The following ULK1 variants were observed in gnomAD, a reference collection of about 807,000 sequenced individuals.
The protein encoded by ULK1 is unc-51 like autophagy activating kinase 1.
ULK1 carries 48 observed loss-of-function variants against 117.5 expected under a neutral mutation model. The observed-to-expected ratio is 0.41, with a 90% confidence interval of 0.32 to 0.52. The LOEUF is 0.52. Ranked by LOEUF, ULK1 falls within the 20% of genes least tolerant of loss-of-function variation. The pLI is 0.29. For synonymous variants in ULK1, 790 were observed against 637.8 expected, an observed-to-expected ratio of 1.24 and a Z score of -3.60; for missense variants, 1,387 against 1,473.4, an observed-to-expected ratio of 0.94 and a Z score of 0.96.
intron 20 of ULK1, among the ~76,000 whole-genome samples, 165 bp from the exon 21 acceptor site, chr12:131,916,788 A>G (rs966734537): frequency 6.6e-6 from 1 of 151,912 alleles, no homozygotes; most frequent in Non-Finnish European, 1.5e-5. Flanking sequence ...CCCCGTCCTG[A>G]GCCTCGCCAT....
At chr12:131,905,819 G>A (rs1284793132) in intron 3 of ULK1, among the ~76,000 whole-genome samples, 1 of 152,186 alleles carries the variant, frequency 6.6e-6, no homozygotes, top group East Asian at 1.9e-4. Flanking sequence ...GTTGGGGTGT[G>A]TGCTGTGTCT....
chr12:131,918,423 G>C (rs1474193171), intron 22 of ULK1, 74 bp from the exon 23 acceptor site: 1 of 1,503,398 alleles, frequency 6.7e-7, no homozygotes, highest in Admixed American at 2.0e-5. Context: ...GGAGGTGTGG[G>C]AGTCTGTGGG....
In ULK1 at chr12:131,920,087, T is replaced by G; in HGVS notation, c.2912T>G (p.Ile971Ser). Residue 971 changes from isoleucine (I) to serine (S), a missense_variant, in exon 26 of 28, where the codon ATT becomes AGT. By Grantham distance (142) the Ile-to-Ser change is moderately radical. This residue lies in a region of ULK1 where 900 missense variants were observed against 858.9 expected (regional missense o/e 1.05). Coordinates refer to ENST00000321867, the MANE Select transcript of ULK1 (RefSeq NM_003565.4). ...GACAAGCAGCGGCTCCTGGACCGCA[T>G]TCACAGCATCACTGCCGAGAGGCTC... is the stretch of plus-strand genomic sequence containing the variant. ...FLDKQRLLDR[I>S]HSITAERLIF... 6.2e-7 allele frequency: 1 copy of G among 1,612,822 alleles called. No individual in the cohort carries two copies. Among genetic ancestry groups the G allele is most frequent in the Non-Finnish European group, 8.5e-7 (1 of 1,179,952 alleles).
chr12:131,921,256 G>T, intron 27 of ULK1, 21 bp downstream of exon 27: 1 of 1,607,996 alleles, frequency 6.2e-7, no homozygotes, highest in Non-Finnish European at 8.5e-7. Context: ...GGCTGGGCTG[G>T]GGGCTGGGGA....
chr12:131,921,171 G>T lies in ULK1; in HGVS notation c.3033G>T (p.Leu1011=). 6.2e-7 allele frequency: 1 copy of T among 1,605,648 alleles called. No homozygotes were observed. Residue 1011 remains leucine (L), a synonymous_variant, in exon 27 of 28, where the codon CTG becomes CTT. Coordinates refer to ENST00000321867, the MANE Select transcript of ULK1 (RefSeq NM_003565.4). ...EGCVPRYHKA[L]LLLEGLQHML... ...GCGTCCCACGCTACCACAAGGCCCT[G>T]CTGCTCCTGGAGGGGCTGCAGCACA...
At chr12:131,905,268 TG>T (rs1889228601) in intron 3 of ULK1, among the ~76,000 whole-genome samples, 1 of 152,170 alleles carries the variant, frequency 6.6e-6, no homozygotes, top group Non-Finnish European at 1.5e-5. Context: ...GGGGCAGCTC[TG>T]GGACACGGGC....
chr12:131,918,915 TGG>T (rs202206928), intron 23 of ULK1, among the ~76,000 whole-genome samples: 2 of 63,036 alleles, frequency 3.2e-5, no homozygotes, highest in Non-Finnish European at 6.0e-5. Context: ...GTAGGGTGTG[TGG>T]GGTGCAGGGT....
chr12:131,915,351 G>A lies in ULK1; in HGVS notation c.1539G>A (p.Glu513=). 1.2e-6 allele frequency: 2 copies of A among 1,612,824 alleles called. No homozygotes were observed. Among genetic ancestry groups the A allele is most frequent in the Non-Finnish European group, 1.7e-6 (2 of 1,179,972 alleles). Residue 513 remains glutamate, a synonymous_variant, in exon 18 of 28, where the codon GAG becomes GAA. Transcript: ENST00000321867. The part of the protein sequence containing the change: ...TPSPQVGTIP[E]RPGWSGTPSP... ...TTCCCCAAGTTGGAACCATCCCTGA[G>A]CGGCCAGGCTGGAGCGGGACGCCCT...
At chr12:131,918,400 C>T in intron 22 of ULK1, 97 bp from the exon 23 acceptor site, 1 of 1,409,268 alleles carries the variant, frequency 7.1e-7, no homozygotes, top group Non-Finnish European at 9.6e-7. Context: ...GAGGCAGAGG[C>T]ACATTGGGCC....
rs767791806 is a variant in ULK1, at chr12:131,918,556, G to A, written c.2386G>A (p.Glu796Lys). 44 of 1,610,840 alleles carry A rather than the reference G, an allele frequency of 2.7e-5. No homozygotes were observed. The highest frequency in any genetic ancestry group is 1.9e-4 in the South Asian group (17 of 90,812). ...CCACCTGGTGCCTGGGCCCTGCAGCGAGGCCCCAGCCCCTGAGCTCCCTGC... is the reference window on the plus strand; with the variant it reads ...CCACCTGGTGCCTGGGCCCTGCAGCAAGGCCCCAGCCCCTGAGCTCCCTGC... ...ARHLVPGPCS[E>K]APAPELPAPG... Residue 796 changes from glutamate (E) to lysine (K), a missense_variant, in exon 23 of 28, where the codon GAG (glutamate) becomes AAG (lysine). Around this residue, in one of 4 missense-constraint regions of ULK1, gnomAD observed 900 missense variants for 858.9 expected, o/e 1.05. Transcript: ENST00000321867.
Position 131,902,458 on chromosome 12 carries a change from G to C in ULK1, c.247-4434G>C, listed in dbSNP as rs115104016. Among the ~76,000 whole-genome samples the C allele has an allele frequency of 6.3e-3, 967 of 152,312 alleles. 22 individuals are homozygous for C. Among genetic ancestry groups the C allele is most frequent in the African/African-American group, 0.022 (901 of 41,562 alleles). ...CTGGGACACCTGGCTCTGGCCGGCC[G>C]TGGGTGCGTGTGTGCAGGGTGTGGG... On this transcript the variant is annotated intron_variant, in intron 3 of 27. Coordinates refer to ENST00000321867, the MANE Select transcript of ULK1 (RefSeq NM_003565.4). This position sits in a 1 kb window ranked among gnomAD's most constrained non-coding sequence, Gnocchi z 6.3.
intron 18 of ULK1, among the ~76,000 whole-genome samples, 167 bp downstream of exon 18, chr12:131,915,588 A>G (rs1485395127): frequency 2.0e-5 from 3 of 152,248 alleles, no homozygotes; most frequent in South Asian, 4.1e-4. Context: ...GGCTGGGGCA[A>G]GTTTCTTATC....
chr12:131,914,083 G>T (rs907991134), intron 15 of ULK1, among the ~76,000 whole-genome samples: 1 of 152,250 alleles, frequency 6.6e-6, no homozygotes, highest in South Asian at 2.1e-4. Flanking sequence ...AGTCGAGCCT[G>T]TAGGGCCAGG....
At position 131,919,476 on chromosome 12, in the gene ULK1, G is replaced by A. The variant is rs979497612; in HGVS notation, c.2689G>A (p.Ala897Thr). 9 of 1,610,232 alleles carry A rather than the reference G, an allele frequency of 5.6e-6. No individual in the cohort carries two copies. The highest frequency in any genetic ancestry group is 1.7e-4 in the Middle Eastern group (1 of 6,046). ...ISLLSREWGFAEQLVLYLKVA... is the reference protein window; with the variant it reads ...ISLLSREWGFTEQLVLYLKVA... ...TGATCTGCCTGCCGCCCCCAGCTTC[G>A]CGGAACAGCTGGTGCTGTACCTGAA... Residue 897 changes from alanine to threonine, a missense_variant, in exon 25 of 28, where the codon GCG (alanine) becomes ACG (threonine). By Grantham distance (58) the Ala-to-Thr change is moderately conservative (BLOSUM62 0). Transcript: ENST00000321867.
In ULK1 at chr12:131,894,657, C is replaced by G. The variant is rs1301941146; in HGVS notation, c.-345C>G. ...CGCGGGCGTCTCAGGCTCTGAGGCCCGGGCGCCGCGGCTCTTTTGTTTCTC... is the reference window on the plus strand; with the variant it reads ...CGCGGGCGTCTCAGGCTCTGAGGCCGGGGCGCCGCGGCTCTTTTGTTTCTC... On this transcript the variant is annotated 5_prime_UTR_variant, in exon 1 of 28. Coordinates refer to ENST00000321867, the MANE Select transcript of ULK1 (RefSeq NM_003565.4). The G allele has an allele frequency of 6.6e-6, 1 of 151,532 alleles. No individual in the cohort carries two copies. Among genetic ancestry groups the G allele is most frequent in the African/African-American group, 2.4e-5 (1 of 41,362 alleles). 9.4% of individuals were successfully genotyped at this position (151,532 alleles called of 1,614,324 possible).
chr12:131,906,443 C>CA, intron 3 of ULK1: 1 of 166,460 alleles, frequency 6.0e-6, no homozygotes, highest in South Asian at 1.5e-4. Context: ...AGGCAGGTCT[C>CA]AAACTGCTGA....
At chr12:131,909,515 G>A (rs1209626476) in intron 8 of ULK1, among the ~76,000 whole-genome samples, 2 of 152,172 alleles carry the variant, frequency 1.3e-5, no homozygotes, top group Non-Finnish European at 2.9e-5. Flanking sequence ...CCTGGTCAGA[G>A]GTGAGGGCAG....
Position 131,908,784 on chromosome 12 carries a change from C to T in ULK1, c.457C>T (p.Arg153Cys), listed in dbSNP as rs773227357. The T allele has an allele frequency of 1.9e-6, 3 of 1,606,968 alleles. No individual in the cohort carries two copies. The highest frequency in any genetic ancestry group is 1.1e-5 in the South Asian group (1 of 90,598). ...CCTGCTGTCCAACCCCGCCGGCCGC[C>T]GCGCCAACCCCAACAGCATCCGCGT... ...NILLSNPAGR[R>C]ANPNSIRVKI... Residue 153 changes from arginine to cysteine, a missense_variant, in exon 6 of 28, where the codon CGC becomes TGC. By Grantham distance (180) the Arg-to-Cys change is radical. Coordinates refer to ENST00000321867, the MANE Select transcript of ULK1 (RefSeq NM_003565.4).
Position 131,909,807 on chromosome 12 carries a change from C to T in ULK1, c.699C>T (p.Tyr233=), listed in dbSNP as rs1352239416. 17 of 1,611,422 alleles carry T rather than the reference C, an allele frequency of 1.1e-5. No homozygotes were observed. The highest frequency in any genetic ancestry group is 2.2e-5 in the South Asian group (2 of 90,862). ...GCCCCCAGGACCTGCGCCTGTTCTA[C>T]GAGAAGAACAAGACGTTGGTCCCCA... ...ASSPQDLRLF[Y]EKNKTLVPTI... is the part of the protein sequence containing the mutation. The change falls in exon 9 of 28, where the codon TAC becomes TAT. Residue 233 remains tyrosine (Y), a synonymous_variant. Transcript: ENST00000321867.
Sources: allele counts gnomAD v4.1 joint callset (sites outside exome capture counted in the v4.1 genomes callset), GRCh38; gene constraint gnomAD v4.1.1; regional missense constraint gnomAD v4.1.1; non-coding constraint Gnocchi (gnomAD v3.1); transcripts MANE v1.5; gene names NCBI Gene and HGNC (gene_info 2026-07-23, HGNC 2026-07-21).